Variants in ATF3 observed in about 807,000 individuals in gnomAD.
The protein encoded by ATF3 is activating transcription factor 3.
Under a neutral mutation model 18.4 loss-of-function variants are expected in ATF3, and 10 were observed. That is an observed-to-expected ratio of 0.54 (90% CI 0.34 to 0.92). ATF3 has a LOEUF of 0.92. Among genes scored for constraint, ATF3 ranks in the 40% least tolerant of loss-of-function variants. The pLI is 0.02. For synonymous variants in ATF3, 78 were observed against 87.9 expected (o/e 0.89, Z 0.63); for missense variants, 183 against 222.3 (o/e 0.82, Z 1.12).
At chr1:212,571,684 A>G (rs928119521) in intron 1 of ATF3, among the ~76,000 whole-genome samples, 1 of 149,630 alleles carries the variant, frequency 6.7e-6, no homozygotes, top group African/African-American at 2.5e-5. Flanking sequence ...TGCTGGGATT[A>G]CAGACGTGAA....
chr1:212,575,656 G>A (rs948892307), intron 1 of ATF3, among the ~76,000 whole-genome samples: 1 of 152,086 alleles, frequency 6.6e-6, no homozygotes, highest in Non-Finnish European at 1.5e-5. Flanking sequence ...GAGTTTTGAT[G>A]TATAGCCTTT....
intron 2 of ATF3, among the ~76,000 whole-genome samples, chr1:212,617,141 T>G (rs1231871423): frequency 2.6e-5 from 4 of 152,154 alleles, no homozygotes; most frequent in Non-Finnish European, 5.9e-5. Context: ...GGTCCCTGTT[T>G]TTATCACTAC....
At chr1:212,590,269 G>A (rs954353608) in intron 1 of ATF3, among the ~76,000 whole-genome samples, 19 of 151,270 alleles carry the variant, frequency 1.3e-4, no homozygotes, top group African/African-American at 4.6e-4. Context: ...TAAGTTAATG[G>A]GAAAAATTTG....
At chr1:212,616,799 G>C (rs950336878) in intron 2 of ATF3, among the ~76,000 whole-genome samples, 1 of 152,172 alleles carries the variant, frequency 6.6e-6, no homozygotes, top group Non-Finnish European at 1.5e-5. Flanking sequence ...TTTGCTGATA[G>C]ATTGGATGTG....
rs188689734 is a variant in ATF3 at position 212,591,415 on chromosome 1, G to A, written c.-4-23603G>A. The stretch of plus-strand genomic sequence containing the variant: ...GGAAAAATATAATCCAGAAGCTCAG[G>A]AAACCAGTTGAGAAGGTCATTGAGA... On this transcript the variant is annotated intron_variant, in intron 1 of 3. Transcript: ENST00000366981. 6.6e-5 allele frequency among the ~76,000 whole-genome samples: 10 copies of A among 152,284 alleles called. No homozygotes were observed. The East Asian group carries it at 1.9e-3, about 29-fold the overall frequency.
chr1:212,581,906 A>G (rs1664691159), intron 1 of ATF3, among the ~76,000 whole-genome samples: 1 of 152,224 alleles, frequency 6.6e-6, no homozygotes, highest in South Asian at 2.1e-4. Context: ...AACTCAGTTA[A>G]GAGGATGCTA....
intron 1 of ATF3, among the ~76,000 whole-genome samples, chr1:212,566,377 G>C (rs990892183): frequency 6.6e-6 from 1 of 152,140 alleles, no homozygotes; most frequent in Non-Finnish European, 1.5e-5. Flanking sequence ...CCTTGGACAA[G>C]GACACCCCTT....
intron 1 of ATF3, among the ~76,000 whole-genome samples, chr1:212,581,632 T>A (rs770707824): frequency 5.9e-5 from 9 of 152,170 alleles, no homozygotes; most frequent in Non-Finnish European, 1.0e-4. Context: ...ATAGACAGCA[T>A]AAACAAAATA....
At chr1:212,583,795 A>T (rs976676949) in intron 1 of ATF3, among the ~76,000 whole-genome samples, 1 of 152,226 alleles carries the variant, frequency 6.6e-6, no homozygotes, top group Admixed American at 6.5e-5. Flanking sequence ...TAGTAATCGG[A>T]GAATAACAAC....
chr1:212,612,134 C>T lies in ATF3; in HGVS notation c.-4-2884C>T, dbSNP rs536098323. Among the ~76,000 whole-genome samples the T allele has an allele frequency of 6.6e-5, 10 of 152,274 alleles. No individual in the cohort carries two copies. In the East Asian group the frequency reaches 7.7e-4, roughly 12 times the overall value. ...CCTAGTGCCGAGAAAACCCAAATCT[C>T]GACAGATACATCTGTTTTATTTTCT... On this transcript the variant is annotated intron_variant, in intron 1 of 3. Coordinates refer to ENST00000341491, the MANE Select transcript of ATF3 (RefSeq NM_001674.4).
intron 1 of ATF3, among the ~76,000 whole-genome samples, chr1:212,600,289 G>T (rs1654443912): frequency 1.3e-5 from 2 of 152,116 alleles, no homozygotes; most frequent in South Asian, 4.1e-4. Context: ...CCCTCCCTTT[G>T]TCCCTGGGGA....
chr1:212,602,405 C>G (rs1654508642), intron 1 of ATF3, among the ~76,000 whole-genome samples: 1 of 152,144 alleles, frequency 6.6e-6, no homozygotes, highest in Non-Finnish European at 1.5e-5. Context: ...ATTTATGATT[C>G]TGACACGATG....
intron 1 of ATF3, among the ~76,000 whole-genome samples, chr1:212,593,787 A>G (rs985825489): frequency 1.5e-4 from 23 of 151,410 alleles, no homozygotes; most frequent in African/African-American, 5.6e-4. Context: ...AAGACTTTGT[A>G]AATGATTGTA....
chr1:212,607,747 A>T (rs1654681152), upstream of ATF3, among the ~76,000 whole-genome samples: 1 of 152,048 alleles, frequency 6.6e-6, no homozygotes, highest in African/African-American at 2.4e-5. Flanking sequence ...AGGTTCGCGG[A>T]CCCCAAAGCA....
rs45627140 is a variant in ATF3, at chr1:212,619,561, C to T, written c.*6C>T. On this transcript the variant is annotated 3_prime_UTR_variant, in exon 4 of 4. Coordinates refer to ENST00000341491, the MANE Select transcript of ATF3 (RefSeq NM_001674.4). This position sits in a 1 kb window ranked among gnomAD's most constrained non-coding sequence, Gnocchi z 4.4. ...AAGGAACATTGCAGAGCTAAGCAGT[C>T]GTGGTATGGGGGCGACTGGGGAGTC... 11,031 of 1,613,840 alleles carry T rather than the reference C, an allele frequency of 6.8e-3. 51 individuals carry two copies. Among genetic ancestry groups the T allele is most frequent in the South Asian group, 0.011 (1,004 of 90,964 alleles).
Position 212,571,802 on chromosome 1 carries a change from C to G in ATF3, c.-5+6319C>G, listed in dbSNP as rs371127070. 4.8e-3 allele frequency among the ~76,000 whole-genome samples: 730 copies of G among 151,462 alleles called. 7 individuals are homozygous for G. The highest frequency in any genetic ancestry group is 0.017 in the African/African-American group (683 of 41,206). On this transcript the variant is annotated intron_variant, in intron 1 of 3. Coordinates refer to the ATF3 transcript ENST00000366981. The stretch of plus-strand genomic sequence containing the variant: ...TCTCGGCCCACTGCAAGCTCCGCCT[C>G]CCGGGTTCACGCCATTCTCCTGCCT...
intron 1 of ATF3, among the ~76,000 whole-genome samples, chr1:212,569,520 T>C (rs1044337424): frequency 6.6e-6 from 1 of 152,044 alleles, no homozygotes; most frequent in African/African-American, 2.4e-5. Context: ...AAGGAGACAG[T>C]AGACAGAAGC....
chr1:212,585,244 G>A (rs1029009543), intron 1 of ATF3, among the ~76,000 whole-genome samples: 2 of 152,296 alleles, frequency 1.3e-5, no homozygotes, highest in East Asian at 1.9e-4. Flanking sequence ...CCCAGGGGAC[G>A]TGAAGGCGCT....
At chr1:212,606,926 G>A (rs1224085696), upstream of ATF3, among the ~76,000 whole-genome samples, 4 of 152,190 alleles carry the variant, frequency 2.6e-5, no homozygotes, top group Non-Finnish European at 4.4e-5. Flanking sequence ...GCGTGGAAGC[G>A]GAGGGTGGGG....
Sources: allele counts gnomAD v4.1 joint callset (sites outside exome capture counted in the v4.1 genomes callset), GRCh38; gene constraint gnomAD v4.1.1; non-coding constraint Gnocchi (gnomAD v3.1); transcripts MANE v1.5; gene names NCBI Gene and HGNC (gene_info 2026-07-23, HGNC 2026-07-21).